The following SLC35F4 variants were observed in gnomAD, a reference collection of about 807,000 sequenced individuals.
The protein encoded by SLC35F4 is chromosome 14 open reading frame 36.
Under a neutral mutation model 44.2 loss-of-function variants are expected in SLC35F4, and 24 were observed. That is an observed-to-expected ratio of 0.54 (90% CI 0.39 to 0.76). The LOEUF is 0.76. SLC35F4 is among the 30% of genes least tolerant of loss of function. The probability of loss-of-function intolerance (pLI) is 0.00; values close to 1 mark genes in which losing one functional copy is unlikely to be tolerated. For synonymous variants in SLC35F4, 238 were observed against 223.6 expected, an observed-to-expected ratio of 1.06 and a Z score of -0.57; for missense variants, 562 against 586.1, an observed-to-expected ratio of 0.96 and a Z score of 0.42.
chr14:57,737,284 C>T (rs2076490859), intron 1 of SLC35F4, among the ~76,000 whole-genome samples: 1 of 151,938 alleles, frequency 6.6e-6, no homozygotes, highest in African/African-American at 2.4e-5. Flanking sequence ...TTAGGAATAC[C>T]TGGGCTGACA....
chr14:57,806,686 C>T (rs1366180194), intron 1 of SLC35F4, among the ~76,000 whole-genome samples: 4 of 152,144 alleles, frequency 2.6e-5, no homozygotes, highest in Admixed American at 2.0e-4. Context: ...TTCTGTTAGA[C>T]ACTCTCCGAT....
chr14:57,782,835 T>C (rs1322457480), intron 1 of SLC35F4, among the ~76,000 whole-genome samples: 1 of 152,218 alleles, frequency 6.6e-6, no homozygotes, highest in African/African-American at 2.4e-5. Flanking sequence ...CCACTAGTGA[T>C]GCTGGAAGTG....
intron 1 of SLC35F4, among the ~76,000 whole-genome samples, chr14:57,678,514 TAAC>T (rs1308885267): frequency 6.6e-6 from 1 of 151,918 alleles, no homozygotes; most frequent in Non-Finnish European, 1.5e-5. Context: ...AATTAACACA[TAAC>T]AATATTACCC....
chr14:57,784,366 A>G (rs932657741), intron 1 of SLC35F4, among the ~76,000 whole-genome samples: 24 of 152,226 alleles, frequency 1.6e-4, no homozygotes. Flanking sequence ...ATTAGATGGT[A>G]GAAGAAGGAT....
chr14:57,564,618 T>A (rs2068113327), intron 7 of SLC35F4, among the ~76,000 whole-genome samples: 1 of 152,240 alleles, frequency 6.6e-6, no homozygotes, highest in Non-Finnish European at 1.5e-5. Context: ...CAGTTTTCTC[T>A]CAGTACTTTT....
intron 4 of SLC35F4, 62 bp from the exon 5 acceptor site, chr14:57,572,081 A>G (rs1414349709): frequency 6.4e-7 from 1 of 1,562,752 alleles, no homozygotes; most frequent in East Asian, 2.3e-5. Context: ...AGAGCAGGCA[A>G]TTCAAGACTT....
chr14:57,692,394 T>C (rs1004354958), intron 1 of SLC35F4, among the ~76,000 whole-genome samples: 1 of 152,164 alleles, frequency 6.6e-6, no homozygotes, highest in African/African-American at 2.4e-5. Context: ...TAATAGTCTA[T>C]TGATTTTTAA....
chr14:57,607,541 A>G (rs1013451103), intron 1 of SLC35F4, among the ~76,000 whole-genome samples: 1 of 152,212 alleles, frequency 6.6e-6, no homozygotes, highest in Non-Finnish European at 1.5e-5. Context: ...CTCCACACTC[A>G]TAGAAGCCTC....
chr14:57,805,009 CAT>C (rs1566869297), intron 1 of SLC35F4, among the ~76,000 whole-genome samples: 1 of 151,934 alleles, frequency 6.6e-6, no homozygotes, highest in Admixed American at 6.6e-5. Flanking sequence ...GGCCAACAAA[CAT>C]ATGAAAAAAA....
chr14:57,881,134 G>A (rs17732537), intron 1 of SLC35F4, among the ~76,000 whole-genome samples: 4,235 of 151,796 alleles, frequency 0.028, 95 homozygotes, highest in Middle Eastern at 0.041. Context: ...CCTCCTCCAC[G>A]TCAAACTCAC....
At chr14:57,946,724 C>T (rs532210703) in intron 1 of SLC35F4, among the ~76,000 whole-genome samples, 3 of 152,052 alleles carry the variant, frequency 2.0e-5, no homozygotes, top group Admixed American at 6.5e-5. Flanking sequence ...GATCTACCTG[C>T]CTTGGCCTCT....
chr14:57,813,051 T>A (rs1477534954), intron 1 of SLC35F4, among the ~76,000 whole-genome samples: 1 of 152,218 alleles, frequency 6.6e-6, no homozygotes, highest in Non-Finnish European at 1.5e-5. Flanking sequence ...TATTATTATC[T>A]CTTTTTCTCA....
intron 1 of SLC35F4, among the ~76,000 whole-genome samples, chr14:57,618,311 A>T (rs1487346393): frequency 6.6e-6 from 1 of 152,210 alleles, no homozygotes; most frequent in African/African-American, 2.4e-5. Context: ...AAGGTGGGTG[A>T]TTTCAGCATT....
At chr14:57,786,017 G>C (rs1479597715) in intron 1 of SLC35F4, among the ~76,000 whole-genome samples, 4 of 152,066 alleles carry the variant, frequency 2.6e-5, no homozygotes, top group Non-Finnish European at 5.9e-5. Context: ...GGTAACCTGG[G>C]GCAAGTTTTC....
chr14:57,577,564 A>G (rs1055054177), intron 4 of SLC35F4, among the ~76,000 whole-genome samples: 6 of 152,186 alleles, frequency 3.9e-5, no homozygotes, highest in Non-Finnish European at 7.4e-5. Context: ...GAAAGTTTCT[A>G]CCATTCTAGT....
chr14:57,695,485 C>A (rs11625894), intron 1 of SLC35F4, among the ~76,000 whole-genome samples: 20,195 of 151,182 alleles, frequency 0.13, 1,598 homozygotes, highest in African/African-American at 0.22. Flanking sequence ...CATCTCACAC[C>A]AGTTAGAATG....
chr14:57,938,112 T>C lies in SLC35F4; in HGVS notation n.282+43801A>G, dbSNP rs568596831. Among the ~76,000 whole-genome samples, 6 of 151,554 alleles carry C rather than the reference T, an allele frequency of 4.0e-5. No homozygotes were observed. The South Asian group carries it at 1.3e-3, about 32-fold the overall frequency. On this transcript the variant is annotated intron_variant and non_coding_transcript_variant, in intron 1 of 1. Coordinates refer to the SLC35F4 transcript ENST00000556568. The stretch of plus-strand genomic sequence containing the variant: ...TTGCCCAATATTCAGTCTAGAATGG[T>C]TCAAAAAGATTTGAACCTAAGGAGA...
chr14:57,948,771 C>T (rs1040414864), intron 1 of SLC35F4, among the ~76,000 whole-genome samples: 3 of 151,944 alleles, frequency 2.0e-5, no homozygotes, highest in Non-Finnish European at 4.4e-5. Context: ...TTTTAATTTC[C>T]ATGTTGATTT....
chr14:57,945,439 ATGTGTGTGTGTGTGTGTGTGTGTG>A (rs58976756), intron 1 of SLC35F4, among the ~76,000 whole-genome samples: 15 of 104,746 alleles, frequency 1.4e-4, no homozygotes, highest in South Asian at 7.1e-4. Flanking sequence ...AGCAATGATA[ATGTGTGTGTGTGTGTGTGTGTGTG>A]TGTGTGTGTG....
Sources: gnomAD v4.1 joint callset for allele counts (sites outside exome capture counted in the v4.1 genomes callset) on GRCh38, gnomAD v4.1.1 for gene constraint, MANE v1.5 for transcripts, NCBI Gene and HGNC (gene_info 2026-07-23, HGNC 2026-07-21) for gene names.